EXOC1: variants seen among roughly 807,000 people sequenced by gnomAD.
EXOC1 encodes exocyst complex component 1.
A neutral mutation model predicts 107.7 loss-of-function variants in EXOC1; 67 were observed. The observed-to-expected ratio is 0.62, with a 90% confidence interval of 0.51 to 0.76. EXOC1 has a LOEUF of 0.76. Among genes scored for constraint, EXOC1 ranks in the 30% least tolerant of loss-of-function variants. The probability of loss-of-function intolerance (pLI) is 0.00; values close to 1 mark genes in which losing one functional copy is unlikely to be tolerated. For missense variants in EXOC1, 833 were observed against 1,055.7 expected, an observed-to-expected ratio of 0.79 and a Z score of 2.92; for synonymous variants, 348 against 353.5, an observed-to-expected ratio of 0.98 and a Z score of 0.17.
At chr4:55,865,413 C>T (rs1289075008) in intron 4 of EXOC1, among the ~76,000 whole-genome samples, 1 of 152,164 alleles carries the variant, frequency 6.6e-6, no homozygotes, top group Non-Finnish European at 1.5e-5. Context: ...ATATGTCAGC[C>T]ACCAGTAGTG....
chr4:55,885,491 T>A (rs1723787572), intron 10 of EXOC1: 1 of 152,176 alleles, frequency 6.6e-6, no homozygotes, highest in South Asian at 2.1e-4. Flanking sequence ...AAAGGTAGTT[T>A]TGTAGTTTTA....
intron 16 of EXOC1, among the ~76,000 whole-genome samples, chr4:55,898,149 C>G (rs1277628512): frequency 1.3e-5 from 2 of 152,020 alleles, no homozygotes; most frequent in African/African-American, 4.8e-5. Context: ...TTCAGCTACA[C>G]AGGAGGCTGA....
intron 8 of EXOC1, chr4:55,875,555 G>A: frequency 1.4e-5 from 14 of 982,176 alleles, no homozygotes; most frequent in Non-Finnish European, 1.7e-5. Context: ...CTCCTAGCTG[G>A]GTTACCTTGA....
In EXOC1 at chr4:55,868,254, T is replaced by C. The variant is rs543357311; in HGVS notation, c.416-82T>C. ...AGCTGCTAAATGTGACCTGTGCTTA[T>C]AACTATACCTACCTATATGTATTAT... On this transcript the variant is annotated intron_variant, in intron 4 of 18. Coordinates refer to ENST00000381295, the MANE Select transcript of EXOC1 (RefSeq NM_001024924.2). 4 of 1,201,310 alleles carry C rather than the reference T, an allele frequency of 3.3e-6. No homozygotes were observed. The African/African-American group carries it at 6.2e-5, about 18-fold the overall frequency. 74.4% of individuals were successfully genotyped at this position (1,201,310 alleles called of 1,614,324 possible).
chr4:55,898,692 T>C (rs1725532494), intron 16 of EXOC1, among the ~76,000 whole-genome samples: 1 of 152,210 alleles, frequency 6.6e-6, no homozygotes, highest in Admixed American at 6.5e-5. Flanking sequence ...CTTTCTTTAA[T>C]ATAAAAGTGT....
rs1723042288 is a variant in EXOC1 at position 55,877,865 on chromosome 4, A to G, written c.1075-52A>G. The G allele has an allele frequency of 4.4e-6, 7 of 1,599,322 alleles. No homozygotes were observed. In the South Asian group the frequency reaches 6.8e-5, roughly 15 times the overall value. ...GTCATTGTTTAGACTTTTTATTGTAACGTTTCTTTGTACTGTTGATTACAT... is the reference window on the plus strand; with the variant it reads ...GTCATTGTTTAGACTTTTTATTGTAGCGTTTCTTTGTACTGTTGATTACAT... On this transcript the variant is annotated intron_variant, in intron 8 of 18. Transcript: ENST00000381295.
intron 2 of EXOC1, among the ~76,000 whole-genome samples, chr4:55,859,260 A>C (rs1055839668): frequency 3.3e-5 from 5 of 152,140 alleles, no homozygotes; most frequent in Non-Finnish European, 5.9e-5. Flanking sequence ...TGTGTCCATG[A>C]ACATGGTACA....
At position 55,896,913 on chromosome 4, in the gene EXOC1, T is replaced by A. The variant is rs1416848999; in HGVS notation, c.2137+13T>A. ...GTATTTGTTAATGGTAAGCTTTTGT[T>A]ATGTTCTAAAGAATTGTTATAGCTA... On this transcript the variant is annotated intron_variant, in intron 16 of 18. Coordinates refer to ENST00000381295, the MANE Select transcript of EXOC1 (RefSeq NM_001024924.2). The A allele has an allele frequency of 6.3e-7, 1 of 1,575,736 alleles. No individual in the cohort carries two copies. The highest frequency in any genetic ancestry group is 1.7e-4 in the Middle Eastern group (1 of 5,958).
intron 8 of EXOC1, 42 bp from the exon 9 acceptor site, chr4:55,877,875 G>C (rs760046492): frequency 1.9e-6 from 3 of 1,607,034 alleles, no homozygotes; most frequent in Non-Finnish European, 2.5e-6. Context: ...ACGTTTCTTT[G>C]TACTGTTGAT....
chr4:55,899,710 G>A lies in EXOC1; in HGVS notation c.2163G>A (p.Gln721=), dbSNP rs1725674487. ...TGGAGAAAGTAGCAAATGAAAGCCA[G>A]AAGACCCCCAGGGATGTGGTTATGA... ...VNVEKVANES[Q]KTPRDVVMME... is the part of the protein sequence containing the mutation. Residue 721 remains glutamine (Q), a synonymous_variant, in exon 17 of 19, where the codon CAG becomes CAA. Transcript: ENST00000381295. 1 of 1,612,040 alleles carries A rather than the reference G, an allele frequency of 6.2e-7. No homozygotes were observed. Among genetic ancestry groups the A allele is most frequent in the Non-Finnish European group, 8.5e-7 (1 of 1,179,184 alleles).
chr4:55,899,937 G>A, intron 17 of EXOC1, 53 bp downstream of exon 17: 1 of 1,451,994 alleles, frequency 6.9e-7, no homozygotes, highest in Non-Finnish European at 9.4e-7. Flanking sequence ...ATACACATAA[G>A]TTTGCATATG....
rs932874766 is a variant in EXOC1 at position 55,900,484 on chromosome 4, T to C, written c.2337+600T>C. 3.3e-5 allele frequency: 5 copies of C among 152,284 alleles called. 1 individual carries two copies. Among genetic ancestry groups the C allele is most frequent in the African/African-American group, 1.2e-4 (5 of 41,566 alleles). 9.4% of individuals were successfully genotyped at this position (152,284 alleles called of 1,614,324 possible). On this transcript the variant is annotated intron_variant, in intron 17 of 18. Transcript: ENST00000381295. The stretch of plus-strand genomic sequence containing the variant: ...AAGTCTGTTAATTAAAGTTAAGAAA[T>C]GATGATTTTAGGGAACTTTACAAGA...
Position 55,892,725 on chromosome 4 carries a change from A to G in EXOC1, c.1724+14A>G, listed in dbSNP as rs1368600302. ...TGTTTCATCTGAGTATGTCTTTGTT[A>G]CTATCATTGTTTATTTTGGAAAAAA... is the stretch of plus-strand genomic sequence containing the variant. On this transcript the variant is annotated intron_variant, in intron 14 of 18. Coordinates refer to ENST00000381295, the MANE Select transcript of EXOC1 (RefSeq NM_001024924.2). The G allele has an allele frequency of 6.2e-7, 1 of 1,612,832 alleles. No homozygotes were observed. The highest frequency in any genetic ancestry group is 2.2e-5 in the East Asian group (1 of 44,860).
At chr4:55,875,572 T>C (rs1258249708) in intron 8 of EXOC1, 1 of 984,956 alleles carries the variant, frequency 1.0e-6, no homozygotes, top group Non-Finnish European at 1.2e-6. Flanking sequence ...TTGAACAAGT[T>C]AATTGACATT....
At position 55,860,628 on chromosome 4, in the gene EXOC1, A is replaced by AAAT. The variant is rs1383985992; in HGVS notation, c.255+88_255+89insATA. Reference sequence around the variant, plus strand: ...ATTACATATTCTAAAATGATCTAAAAACAAATTAATATATATGTTTGTTTT... The same window carrying AAAT: ...ATTACATATTCTAAAATGATCTAAAAAATACAAATTAATATATATGTTTGTTTT... On this transcript the variant is annotated intron_variant, in intron 3 of 18. Coordinates refer to ENST00000381295, the MANE Select transcript of EXOC1 (RefSeq NM_001024924.2). The AAAT allele has an allele frequency of 8.2e-6, 12 of 1,462,252 alleles. No individual in the cohort carries two copies. In the African/African-American group the frequency reaches 1.6e-4, roughly 19 times the overall value. 90.6% of individuals were successfully genotyped at this position (1,462,252 alleles called of 1,614,324 possible).
At chr4:55,892,857 T>C in intron 14 of EXOC1, 146 bp downstream of exon 14, 1 of 678,818 alleles carries the variant, frequency 1.5e-6, no homozygotes, top group Non-Finnish European at 2.5e-6. Flanking sequence ...TATCAAACGT[T>C]TTACTGATTT....
chr4:55,893,591 C>G lies in EXOC1; in HGVS notation c.1764C>G (p.Arg588=). 1 of 1,613,868 alleles carries G rather than the reference C, an allele frequency of 6.2e-7. No individual in the cohort carries two copies. The highest frequency in any genetic ancestry group is 8.5e-7 in the Non-Finnish European group (1 of 1,179,984). The change falls in exon 15 of 19, where the codon CGC becomes CGG. Residue 588 remains arginine, a synonymous_variant. Transcript: ENST00000381295. ...GCCAAATGATGATTAAAATATTTCG[C>G]TGCATTGAGCCAGAGCTGAACAACC... ...MIRQMMIKIF[R]CIEPELNNLI...
Position 55,885,438 on chromosome 4 carries a change from A to C in EXOC1, c.1330+1510A>C, listed in dbSNP as rs527680962. Among the ~76,000 whole-genome samples, 9 of 152,308 alleles carry C rather than the reference A, an allele frequency of 5.9e-5. No individual in the cohort carries two copies. The South Asian group carries it at 1.9e-3, about 32-fold the overall frequency. ...TTTTTCCTCCTTGAGAAATTCTTAA[A>C]TTATCTTGTTAAAAACATTTTTAAC... On this transcript the variant is annotated intron_variant, in intron 10 of 18. Transcript: ENST00000381295.
At chr4:55,864,184 G>A (rs1336772293) in intron 3 of EXOC1, 43 bp from the exon 4 acceptor site, 2 of 1,279,078 alleles carry the variant, frequency 1.6e-6, no homozygotes, top group East Asian at 5.2e-5. Context: ...CAATGTAAAA[G>A]GATGTGATCA....
Sources: gnomAD v4.1 joint callset for allele counts (sites outside exome capture counted in the v4.1 genomes callset) on GRCh38, gnomAD v4.1.1 for gene constraint, MANE v1.5 for transcripts, NCBI Gene and HGNC (gene_info 2026-07-23, HGNC 2026-07-21) for gene names.